NR2C1: variants seen among roughly 807,000 people sequenced by gnomAD.
NR2C1 encodes the protein TR2 nuclear hormone receptor.
NR2C1 carries 33 observed loss-of-function variants against 74.8 expected under a neutral mutation model. The ratio of observed to expected loss-of-function variants is 0.44; its 90% confidence interval spans 0.33 to 0.59. The LOEUF is 0.59. NR2C1 is among the 20% of genes least tolerant of loss of function. The pLI, the probability that NR2C1 is intolerant of heterozygous loss-of-function variation, is 0.02. For missense variants in NR2C1, 568 were observed against 715.6 expected, an observed-to-expected ratio of 0.79 and a Z score of 2.35; for synonymous variants, 225 against 240.6, an observed-to-expected ratio of 0.94 and a Z score of 0.60.
chr12:95,048,575 A>C (rs1872590072), intron 9 of NR2C1, among the ~76,000 whole-genome samples: 1 of 152,116 alleles, frequency 6.6e-6, no homozygotes, highest in Non-Finnish European at 1.5e-5. Flanking sequence ...TATCTTGATA[A>C]ACAGAAGAGA....
At chr12:95,035,431 G>C (rs907012138) in intron 10 of NR2C1, among the ~76,000 whole-genome samples, 2 of 152,132 alleles carry the variant, frequency 1.3e-5, no homozygotes, top group African/African-American at 2.4e-5. Flanking sequence ...AACCAAAGTA[G>C]TTTGCTAGTA....
At chr12:95,059,204 A>AGG (rs1344280034) in intron 4 of NR2C1, among the ~76,000 whole-genome samples, 1 of 151,720 alleles carries the variant, frequency 6.6e-6, no homozygotes, top group Non-Finnish European at 1.5e-5. Context: ...CAGAAGGCCG[A>AGG]GGCAGGAGAA....
intron 2 of NR2C1, among the ~76,000 whole-genome samples, chr12:95,063,601 G>A (rs1188519803): frequency 6.6e-6 from 1 of 152,008 alleles, no homozygotes; most frequent in Non-Finnish European, 1.5e-5. Context: ...AGCTACTTGG[G>A]AGGCTGAGGC....
chr12:95,069,539 G>A (rs1876259916), intron 1 of NR2C1, among the ~76,000 whole-genome samples: 1 of 152,202 alleles, frequency 6.6e-6, no homozygotes, highest in South Asian at 2.1e-4. Context: ...TAGCCTATGT[G>A]TATGGTAAGT....
chr12:95,034,966 C>T (rs1353700479), intron 10 of NR2C1, among the ~76,000 whole-genome samples: 3 of 151,868 alleles, frequency 2.0e-5, no homozygotes, highest in African/African-American at 4.8e-5. Context: ...AAAAAGTGGG[C>T]GAAAATACAT....
chr12:95,034,394 A>G (rs1870554877), intron 10 of NR2C1, among the ~76,000 whole-genome samples: 1 of 152,214 alleles, frequency 6.6e-6, no homozygotes, highest in Admixed American at 6.5e-5. Flanking sequence ...GATAAAAATA[A>G]AGGATACTAT....
At position 95,031,377 on chromosome 12, in the gene NR2C1, G is replaced by T; in HGVS notation, c.1365C>A (p.Val455=). 6.2e-7 allele frequency: 1 copy of T among 1,603,974 alleles called. No individual in the cohort carries two copies. The highest frequency in any genetic ancestry group is 8.5e-7 in the Non-Finnish European group (1 of 1,176,206). ...GTTGAAGACTATTGTGAAGACAATT[G>T]ACAAATGTTGCTAATATAGTTGCTA... ...MNVATILATF[V]NCLHNSLQQD... The change falls in exon 11 of 14, where the codon GTC becomes GTA. Residue 455 remains valine (V), a synonymous_variant. Coordinates refer to ENST00000333003, the MANE Select transcript of NR2C1 (RefSeq NM_003297.4).
In NR2C1 at chr12:95,071,750, T is replaced by A. The variant is rs1033161483; in HGVS notation, c.-8+1630A>T. 1.8e-4 allele frequency among the ~76,000 whole-genome samples: 24 copies of A among 136,318 alleles called. No individual in the cohort carries two copies. In the South Asian group the frequency reaches 3.9e-3, roughly 22 times the overall value. 89.4% of individuals were successfully genotyped at this position (136,318 alleles called of 152,430 possible). A position where few individuals can be genotyped will look rare whatever the true frequency, so the allele number is the denominator to read the frequency against. On this transcript the variant is annotated intron_variant, in intron 1 of 13. Coordinates refer to ENST00000333003, the MANE Select transcript of NR2C1 (RefSeq NM_003297.4). ...ATTAGCAACATTTCATAAAACCCAC[T>A]TTTTTTTTTTTTTTTGAGACGGAGT...
chr12:95,032,456 T>TAAAAAAAA, intron 10 of NR2C1, among the ~76,000 whole-genome samples: 1 of 131,838 alleles, frequency 7.6e-6, no homozygotes, highest in Admixed American at 7.7e-5. Flanking sequence ...AGACTCCGTC[T>TAAAAAAAA]CAAAAAAAAA....
At chr12:95,058,660 C>T (rs1481891178) in intron 4 of NR2C1, among the ~76,000 whole-genome samples, 171 bp from the exon 5 acceptor site, 3 of 152,278 alleles carry the variant, frequency 2.0e-5, no homozygotes, top group Admixed American at 6.5e-5. Context: ...TTTTTAGAGA[C>T]GGGATCTCGC....
At chr12:95,022,532 A>G (rs1292707372) in intron 13 of NR2C1, 129 bp from the exon 14 acceptor site, 1 of 781,734 alleles carries the variant, frequency 1.3e-6, no homozygotes, top group African/African-American at 1.8e-5. Context: ...GTTAAAATCA[A>G]AACTTTAGTA....
chr12:95,031,187 T>G (rs61636582), intron 11 of NR2C1, among the ~76,000 whole-genome samples, 162 bp downstream of exon 11: 3,119 of 152,232 alleles, frequency 0.02, 96 homozygotes, highest in African/African-American at 0.072. Context: ...TTTTAGAGGA[T>G]TAGTAAATTT....
chr12:95,043,104 TAAAA>T (rs1202763083), intron 9 of NR2C1, among the ~76,000 whole-genome samples: 3 of 151,566 alleles, frequency 2.0e-5, no homozygotes, highest in African/African-American at 7.3e-5. Flanking sequence ...TCTCTAAAAA[TAAAA>T]AAATTAGCTG....
intron 13 of NR2C1, among the ~76,000 whole-genome samples, chr12:95,024,168 T>C (rs1400015102): frequency 6.6e-6 from 1 of 152,198 alleles, no homozygotes; most frequent in East Asian, 1.9e-4. Flanking sequence ...AAAAAATTAT[T>C]ATATGTAAAA....
chr12:95,064,431 TACTG>T lies in NR2C1; in HGVS notation c.55-1697_55-1694del, dbSNP rs553019320. Among the ~76,000 whole-genome samples the T allele has an allele frequency of 3.3e-5, 5 of 151,334 alleles. No homozygotes were observed. The South Asian group carries it at 6.3e-4, about 19-fold the overall frequency. Reference sequence around the variant, plus strand: ...TCTGGTTATGACATATGGGCAGAAATACTGACCAGGAACAGGGTAGCAGCCATGC... The same window carrying T: ...TCTGGTTATGACATATGGGCAGAAATACCAGGAACAGGGTAGCAGCCATGC... On this transcript the variant is annotated intron_variant, in intron 2 of 13. Transcript: ENST00000333003.
intron 12 of NR2C1, 124 bp from the exon 13 acceptor site, chr12:95,025,379 C>T (rs1364439653): frequency 2.3e-5 from 13 of 567,820 alleles, no homozygotes; most frequent in Admixed American, 3.6e-5. Context: ...GTGGCTCAGG[C>T]CGGGCATGGT....
intron 11 of NR2C1, chr12:95,030,577 C>A: frequency 1.9e-6 from 3 of 1,613,304 alleles, no homozygotes; most frequent in Non-Finnish European, 2.5e-6. Context: ...GAATGTGATG[C>A]TGCCTTCTAG....
intron 2 of NR2C1, among the ~76,000 whole-genome samples, chr12:95,064,025 CAAAA>C (rs36124945): frequency 4.3e-5 from 3 of 69,494 alleles, no homozygotes; most frequent in Non-Finnish European, 5.2e-5. Context: ...GACTCTGCCT[CAAAA>C]AAAAAAAAAA....
intron 9 of NR2C1, among the ~76,000 whole-genome samples, chr12:95,043,949 TA>T (rs34543911): frequency 0.034 from 5,128 of 152,200 alleles, 125 homozygotes; most frequent in Middle Eastern, 0.072. Context: ...ACATGCTCAA[TA>T]AAACTCTAGT....
Sources: allele counts gnomAD v4.1 joint callset (sites outside exome capture counted in the v4.1 genomes callset), GRCh38; gene constraint gnomAD v4.1.1; transcripts MANE v1.5; gene names NCBI Gene and HGNC (gene_info 2026-07-23, HGNC 2026-07-21).